Variants in GSTO1 observed in about 807,000 individuals in gnomAD.
GSTO1 encodes the protein glutathione S-transferase omega 1.
GSTO1 carries 27 observed loss-of-function variants against 23.8 expected under a neutral mutation model. The ratio of observed to expected loss-of-function variants is 1.13; its 90% CI spans 0.83 to 1.56. The LOEUF (loss-of-function observed/expected upper bound fraction) is 1.56, where lower values mean the gene tolerates loss of function less well. Among genes scored for constraint, GSTO1 ranks in the 40% most tolerant of loss-of-function variants. The pLI is 0.00. For synonymous variants in GSTO1, 105 were observed against 109.3 expected (o/e 0.96, Z 0.25); for missense variants, 255 against 285.8 (o/e 0.89, Z 0.78).
In GSTO1 at chr10:104,266,093, A is replaced by G. The variant is rs775355821; in HGVS notation, c.475A>G (p.Asn159Asp). 11 of 1,568,598 alleles carry G rather than the reference A, an allele frequency of 7.0e-6. 1 individual carries two copies. The South Asian group carries it at 1.2e-4, about 17-fold the overall frequency. Residue 159 changes from asparagine (N) to aspartate (D), a missense_variant, in exon 5 of 6, where the codon AAT (asparagine) becomes GAT (aspartate). Physicochemically the swap from Asn to Asp is conservative, Grantham distance 23. Coordinates refer to ENST00000369713, the MANE Select transcript of GSTO1 (RefSeq NM_004832.3). ...GCTGTTTAATGTTCAGGTTCTGACTAATAAGAAGACGACCTTCTTTGGTGG... is the reference window on the plus strand; with the variant it reads ...GCTGTTTAATGTTCAGGTTCTGACTGATAAGAAGACGACCTTCTTTGGTGG... ...EFTKLEEVLT[N>D]KKTTFFGGNS...
Position 104,266,154 on chromosome 10 carries a change from C to T in GSTO1, c.536C>T (p.Pro179Leu), listed in dbSNP as rs201522765. The change falls in exon 5 of 6, where the codon CCC becomes CTC. Residue 179 changes from proline (P) to leucine (L), a missense_variant. Coordinates refer to ENST00000369713, the MANE Select transcript of GSTO1 (RefSeq NM_004832.3). ...SISMIDYLIW[P>L]WFERLEAMKL... Reference sequence around the variant, plus strand: ...TCTATGATTGATTACCTCATCTGGCCCTGGTTTGAACGGCTGGAAGCAATG... The same window carrying T: ...TCTATGATTGATTACCTCATCTGGCTCTGGTTTGAACGGCTGGAAGCAATG... The T allele has an allele frequency of 1.8e-4, 296 of 1,610,464 alleles. 2 individuals carry two copies. The East Asian group carries it at 5.8e-3, about 32-fold the overall frequency.
chr10:104,263,475 T>C (rs2011155561), intron 4 of GSTO1, among the ~76,000 whole-genome samples: 1 of 152,238 alleles, frequency 6.6e-6, no homozygotes, highest in Non-Finnish European at 1.5e-5. Context: ...GTCCTGCTTT[T>C]TTTCCTGTGT....
Position 104,263,031 on chromosome 10 carries a change from C to A in GSTO1, c.419C>A (p.Ala140Asp), listed in dbSNP as rs4925. The change falls in exon 4 of 6, where the codon GCT (alanine) becomes GAT (aspartate). Residue 140 changes from alanine (A) to aspartate (D), a missense_variant. Transcript: ENST00000369713. Reference protein sequence around the residue: ...FIRSQNKEDYAGLKEEFRKEF... With the variant: ...FIRSQNKEDYDGLKEEFRKEF... Reference sequence around the variant, plus strand: ...AGAAGCCAAAATAAAGAAGACTATGCTGGCCTAAAAGAAGAATTTCGTAAA... The same window carrying A: ...AGAAGCCAAAATAAAGAAGACTATGATGGCCTAAAAGAAGAATTTCGTAAA... 408,282 of 1,519,098 alleles carry A rather than the reference C, an allele frequency of 0.27. 58,948 individuals are homozygous for A. The highest frequency in any genetic ancestry group is 0.32 in the Middle Eastern group (1,820 of 5,710). 94.1% of individuals were successfully genotyped at this position (1,519,098 alleles called of 1,614,324 possible). A position where few individuals can be genotyped will look rare whatever the true frequency, so the allele number is the denominator to read the frequency against.
chr10:104,258,780 C>T (rs1007976888), intron 2 of GSTO1, among the ~76,000 whole-genome samples: 10 of 151,974 alleles, frequency 6.6e-5, no homozygotes, highest in East Asian at 1.9e-4. Context: ...CCCAGGAGGT[C>T]GAGGCTGCAG....
intron 2 of GSTO1, among the ~76,000 whole-genome samples, chr10:104,257,500 T>C (rs7083006): frequency 0.074 from 11,205 of 151,984 alleles, 1,389 homozygotes; most frequent in African/African-American, 0.26. Context: ...ACCACCACAC[T>C]TGGCTAATTT....
upstream of GSTO1, chr10:104,254,785 A>T: frequency 1.3e-6 from 1 of 741,518 alleles, no homozygotes; most frequent in Non-Finnish European, 2.4e-6. Context: ...GGGAAGGCAC[A>T]ACGGGTGGAG....
At chr10:104,264,336 G>A (rs1013927775) in intron 4 of GSTO1, among the ~76,000 whole-genome samples, 1 of 152,100 alleles carries the variant, frequency 6.6e-6, no homozygotes, top group Non-Finnish European at 1.5e-5. Context: ...GAGCTGGAAA[G>A]TAAGATGCAG....
intron 1 of GSTO1, 64 bp downstream of exon 1, chr10:104,255,026 G>A: frequency 1.3e-6 from 2 of 1,525,130 alleles, no homozygotes; most frequent in Non-Finnish European, 1.8e-6. Context: ...GTTCGAGGCT[G>A]CTCCGGGAGC....
intron 4 of GSTO1, among the ~76,000 whole-genome samples, chr10:104,263,970 G>T: frequency 6.7e-6 from 1 of 150,356 alleles, no homozygotes; most frequent in African/African-American, 2.5e-5. Flanking sequence ...AAACCTACTT[G>T]TTCTCTATGG....
In GSTO1 at chr10:104,266,155, C is replaced by G. The variant is rs1226395170; in HGVS notation, c.537C>G (p.Pro179=). 1.2e-6 allele frequency: 2 copies of G among 1,609,696 alleles called. No homozygotes were observed. Among genetic ancestry groups the G allele is most frequent in the Admixed American group, 1.7e-5 (1 of 59,980 alleles). Residue 179 remains proline (P), a synonymous_variant, in exon 5 of 6, where the codon CCC becomes CCG. Coordinates refer to ENST00000369713, the MANE Select transcript of GSTO1 (RefSeq NM_004832.3). ...SISMIDYLIW[P]WFERLEAMKL... ...CTATGATTGATTACCTCATCTGGCC[C>G]TGGTTTGAACGGCTGGAAGCAATGA...
intron 1 of GSTO1, 54 bp downstream of exon 1, chr10:104,255,016 G>T (rs1481576485): frequency 8.6e-6 from 13 of 1,508,766 alleles, no homozygotes; most frequent in African/African-American, 1.4e-5. Flanking sequence ...CCGGCGGCAT[G>T]TTCGAGGCTG....
intron 2 of GSTO1, among the ~76,000 whole-genome samples, chr10:104,258,199 A>G (rs1337687223): frequency 6.6e-6 from 1 of 152,182 alleles, no homozygotes; most frequent in Non-Finnish European, 1.5e-5. Flanking sequence ...ACCTGGGAAA[A>G]GGCAGGCAGA....
intron 4 of GSTO1, 46 bp downstream of exon 4, chr10:104,263,123 C>G: frequency 1.3e-6 from 1 of 773,352 alleles, no homozygotes. Context: ...ATAACTATAT[C>G]TACCCTCCTT....
At chr10:104,254,664 G>A, upstream of GSTO1, 1 of 563,914 alleles carries the variant, frequency 1.8e-6, no homozygotes, top group East Asian at 3.1e-5. Flanking sequence ...GGGGCGGAGG[G>A]ATGACTGAGC....
chr10:104,256,237 G>A (rs994098915), intron 2 of GSTO1, among the ~76,000 whole-genome samples: 3 of 152,188 alleles, frequency 2.0e-5, no homozygotes, highest in East Asian at 1.9e-4. Context: ...AACACATAGA[G>A]TACTTACTAT....
At chr10:104,254,683 C>T (rs573809437), upstream of GSTO1, 374 of 587,204 alleles carry the variant, frequency 6.4e-4, 1 homozygote, top group Non-Finnish European at 9.7e-4. Flanking sequence ...GCATTTATAA[C>T]TTTTGTGTAT....
chr10:104,262,244 C>G lies in GSTO1; in HGVS notation c.367-735C>G, dbSNP rs2011144222. ...GTGGTGTTAGCAGTTATCTCAGACTCTACTTTCTGGCAGCCTCACAAACTG... is the reference window on the plus strand; with the variant it reads ...GTGGTGTTAGCAGTTATCTCAGACTGTACTTTCTGGCAGCCTCACAAACTG... On this transcript the variant is annotated intron_variant, in intron 3 of 5. Coordinates refer to ENST00000369713, the MANE Select transcript of GSTO1 (RefSeq NM_004832.3). Among the ~76,000 whole-genome samples, 2 of 152,190 alleles carry G rather than the reference C, an allele frequency of 1.3e-5. 1 individual carries two copies. Among genetic ancestry groups the G allele is most frequent in the African/African-American group, 4.8e-5 (2 of 41,440 alleles).
At chr10:104,262,877 C>T (rs7101149) in intron 3 of GSTO1, 102 bp from the exon 4 acceptor site, 15,400 of 582,612 alleles carry the variant, frequency 0.026, 1,787 homozygotes, top group African/African-American at 0.25. Context: ...GTTTCTAGAA[C>T]ACCTTGACAC....
chr10:104,267,046 CT>C (rs1428289919), intron 5 of GSTO1, among the ~76,000 whole-genome samples: 1 of 152,198 alleles, frequency 6.6e-6, no homozygotes, highest in Non-Finnish European at 1.5e-5. Flanking sequence ...AATTGCTTCA[CT>C]CTAGTCTCAT....
Sources: allele counts gnomAD v4.1 joint callset (sites outside exome capture counted in the v4.1 genomes callset), GRCh38; gene constraint gnomAD v4.1.1; transcripts MANE v1.5; gene names NCBI Gene and HGNC (gene_info 2026-07-23, HGNC 2026-07-21).